COMMD1: variants seen among roughly 807,000 people sequenced by gnomAD.
COMMD1 encodes the protein copper metabolism domain containing 1.
Under a neutral mutation model 17.2 loss-of-function variants are expected in COMMD1, and 10 were observed. The ratio of observed to expected loss-of-function variants is 0.58; its 90% confidence interval spans 0.36 to 0.99. The LOEUF is 0.99. COMMD1 is among the 50% of genes least tolerant of loss of function. The pLI is 0.01. For synonymous variants in COMMD1, 97 were observed against 91.6 expected (o/e 1.06, Z -0.34); for missense variants, 270 against 231.8 (o/e 1.17, Z -1.07).
chr2:61,906,373 G>A (rs1204431058), intron 1 of COMMD1, among the ~76,000 whole-genome samples: 1 of 152,160 alleles, frequency 6.6e-6, no homozygotes, highest in Non-Finnish European at 1.5e-5. Flanking sequence ...AAATATGTGA[G>A]CCAAAAAGGT....
At chr2:61,937,383 C>T (rs758365670) in intron 1 of COMMD1, among the ~76,000 whole-genome samples, 94 of 152,266 alleles carry the variant, frequency 6.2e-4, no homozygotes, top group Non-Finnish European at 9.3e-4. Flanking sequence ...CATCAGTGGC[C>T]ACCAGATTTT....
intron 2 of COMMD1, among the ~76,000 whole-genome samples, chr2:62,026,629 C>G (rs115108377): frequency 0.012 from 1,840 of 152,246 alleles, 41 homozygotes; most frequent in African/African-American, 0.043. Context: ...ATATCTTACC[C>G]CTTGATACCA....
At chr2:62,046,369 A>G (rs1299828884) in intron 2 of COMMD1, among the ~76,000 whole-genome samples, 1 of 152,240 alleles carries the variant, frequency 6.6e-6, no homozygotes, top group African/African-American at 2.4e-5. Context: ...AAATTTTATG[A>G]TAGTGTGAAC....
rs143205759 is a variant in COMMD1 at position 62,095,807 on chromosome 2, CATAT to C, written c.463-40013_463-40010del. Among the ~76,000 whole-genome samples, 207 of 67,956 alleles carry C rather than the reference CATAT, an allele frequency of 3.0e-3. 21 individuals are homozygous for C. Among genetic ancestry groups the C allele is most frequent in the Non-Finnish European group, 4.3e-3 (154 of 35,822 alleles). 44.6% of individuals were successfully genotyped at this position (67,956 alleles called of 152,430 possible). A position where few individuals can be genotyped will look rare whatever the true frequency, so the allele number is the denominator to read the frequency against. On this transcript the variant is annotated intron_variant, in intron 2 of 2. Coordinates refer to ENST00000311832, the MANE Select transcript of COMMD1 (RefSeq NM_152516.4). ...TTGTGTAGTCAAGTTTCACAGCATGCATATATATATATATGCATATCAGGGTTAT... is the reference window on the plus strand; with the variant it reads ...TTGTGTAGTCAAGTTTCACAGCATGCATATATATATGCATATCAGGGTTAT...
intron 1 of COMMD1, among the ~76,000 whole-genome samples, chr2:61,891,794 G>C (rs1256877085): frequency 6.6e-6 from 1 of 151,598 alleles, no homozygotes; most frequent in African/African-American, 2.4e-5. Flanking sequence ...CTAATGAAGG[G>C]TAAAAATGTT....
chr2:62,012,275 A>ACACC (rs1299166959), intron 2 of COMMD1, among the ~76,000 whole-genome samples: 1 of 122,280 alleles, frequency 8.2e-6, no homozygotes, highest in Non-Finnish European at 1.7e-5. Flanking sequence ...ACACATACAC[A>ACACC]CACACACACA....
rs547743845 is a variant in COMMD1, at chr2:62,006,364, AG to A, written c.462+5383del. Reference sequence around the variant, plus strand: ...AGTATAATAATAATTAAAAAAAAAAAGAAAATTGGAAGCCAAGTACATACAT... The same window carrying A: ...AGTATAATAATAATTAAAAAAAAAAAAAAATTGGAAGCCAAGTACATACAT... On this transcript the variant is annotated intron_variant, in intron 2 of 2. Transcript: ENST00000311832. 5.6e-3 allele frequency among the ~76,000 whole-genome samples: 857 copies of A among 152,100 alleles called. 7 individuals are homozygous for A. The highest frequency in any genetic ancestry group is 8.5e-3 in the Admixed American group (129 of 15,254).
intron 1 of COMMD1, among the ~76,000 whole-genome samples, chr2:61,941,626 G>T (rs1372741866): frequency 5.3e-5 from 8 of 152,158 alleles, no homozygotes; most frequent in African/African-American, 1.7e-4. Context: ...CCTTACAGTG[G>T]CATTTATTTG....
intron 1 of COMMD1, among the ~76,000 whole-genome samples, chr2:61,910,153 G>C (rs1163652869): frequency 6.6e-6 from 1 of 152,076 alleles, no homozygotes; most frequent in East Asian, 1.9e-4. Flanking sequence ...TGAAGTCAAT[G>C]AATTGGGAAT....
chr2:62,026,301 T>C (rs918415846), intron 2 of COMMD1, among the ~76,000 whole-genome samples: 3 of 152,122 alleles, frequency 2.0e-5, no homozygotes, highest in Non-Finnish European at 1.5e-5. Flanking sequence ...CTAGGGAGGC[T>C]TCAGGGAGTT....
chr2:62,121,733 C>T (rs1043400534), intron 2 of COMMD1, among the ~76,000 whole-genome samples: 6 of 141,682 alleles, frequency 4.2e-5, no homozygotes, highest in Admixed American at 2.8e-4. Flanking sequence ...AGCGAGACTC[C>T]GTCTCAAAAA....
intron 2 of COMMD1, among the ~76,000 whole-genome samples, chr2:62,023,112 G>A (rs549987050): frequency 1.3e-5 from 2 of 152,174 alleles, no homozygotes; most frequent in East Asian, 1.9e-4. Context: ...TGTAATCCCA[G>A]CTATTTAGGA....
intron 2 of COMMD1, among the ~76,000 whole-genome samples, chr2:62,017,685 A>G (rs908445735): frequency 2.0e-5 from 3 of 151,268 alleles, no homozygotes; most frequent in Non-Finnish European, 4.4e-5. Context: ...AAAAGAAAAA[A>G]AAAAGAAAAA....
chr2:62,127,344 A>G lies in COMMD1; in HGVS notation c.463-8487A>G, dbSNP rs1377926902. Among the ~76,000 whole-genome samples, 9 of 152,322 alleles carry G rather than the reference A, an allele frequency of 5.9e-5. No individual in the cohort carries two copies. In the East Asian group the frequency reaches 1.3e-3, roughly 23 times the overall value. ...TCAGTGCTATTGCTGTTAAACTACT[A>G]TTGACATTCTTCATGGAATTAGAAG... On this transcript the variant is annotated intron_variant, in intron 2 of 2. Transcript: ENST00000311832.
In COMMD1 at chr2:62,094,954, C is replaced by T. The variant is rs1671959200; in HGVS notation, c.463-40877C>T. ...ATTCCAAGGGAGTTTAGGTTCAGCT[C>T]ATAGTCTTTTGGATTGTTTAGAGAT... On this transcript the variant is annotated intron_variant, in intron 2 of 2. Coordinates refer to ENST00000311832, the MANE Select transcript of COMMD1 (RefSeq NM_152516.4). Among the ~76,000 whole-genome samples the T allele has an allele frequency of 2.0e-5, 3 of 152,102 alleles. No individual in the cohort carries two copies. The South Asian group carries it at 6.2e-4, about 32-fold the overall frequency.
Position 62,018,969 on chromosome 2 carries a change from A to C in COMMD1, c.462+17987A>C, listed in dbSNP as rs142423700. 3.6e-3 allele frequency among the ~76,000 whole-genome samples: 544 copies of C among 151,768 alleles called. 2 individuals are homozygous for C. The highest frequency in any genetic ancestry group is 6.2e-3 in the Non-Finnish European group (419 of 67,994). ...CAGAGAGCAGGAGCACTGTGTCCTC[A>C]CATGGTAGAAGAATAGAAGAGAGCA... On this transcript the variant is annotated intron_variant, in intron 2 of 2. Transcript: ENST00000311832.
upstream of COMMD1, among the ~76,000 whole-genome samples, chr2:61,901,744 A>G (rs961194165): frequency 3.3e-5 from 5 of 152,228 alleles, no homozygotes; most frequent in Admixed American, 2.6e-4. Flanking sequence ...ATAAGCAGAA[A>G]GCCATCCTCA....
At chr2:61,895,313 C>T (rs538382585) in intron 1 of COMMD1, among the ~76,000 whole-genome samples, 2 of 152,304 alleles carry the variant, frequency 1.3e-5, no homozygotes, top group East Asian at 3.9e-4. Flanking sequence ...GACTGTGAAA[C>T]ACTTGTGGAG....
chr2:61,900,177 C>G (rs965767847), intron 1 of COMMD1, among the ~76,000 whole-genome samples: 3 of 152,116 alleles, frequency 2.0e-5, no homozygotes, highest in Admixed American at 2.0e-4. Flanking sequence ...CTGAGGTGGT[C>G]AGATTACAAT....
Sources: allele counts gnomAD v4.1 joint callset (sites outside exome capture counted in the v4.1 genomes callset), GRCh38; gene constraint gnomAD v4.1.1; transcripts MANE v1.5; gene names NCBI Gene and HGNC (gene_info 2026-07-23, HGNC 2026-07-21).